SPOCK3: variants seen among roughly 807,000 people sequenced by gnomAD.
The protein encoded by SPOCK3 is testican-3.
Under a neutral mutation model 56.6 loss-of-function variants are expected in SPOCK3, and 30 were observed. The ratio of observed to expected loss-of-function variants is 0.53; its 90% CI spans 0.40 to 0.72. The LOEUF (loss-of-function observed/expected upper bound fraction) is 0.72, where lower values mean the gene tolerates loss of function less well. Ranked by LOEUF, SPOCK3 falls within the 30% of genes least tolerant of loss-of-function variation. SPOCK3 has a pLI of 0.00. For synonymous variants in SPOCK3, 196 were observed against 183.3 expected (o/e 1.07, Z -0.56); for missense variants, 527 against 530.0 (o/e 0.99, Z 0.06).
At chr4:166,769,460 C>A (rs371921087) in intron 7 of SPOCK3, among the ~76,000 whole-genome samples, 2 of 152,252 alleles carry the variant, frequency 1.3e-5, no homozygotes, top group East Asian at 1.9e-4. Flanking sequence ...CACTCCAGAC[C>A]CTGTTTGCCT....
intron 3 of SPOCK3, among the ~76,000 whole-genome samples, chr4:167,055,484 C>A (rs1754701290): frequency 6.6e-6 from 1 of 152,098 alleles, no homozygotes; most frequent in African/African-American, 2.4e-5. Context: ...GTGCGCGAGC[C>A]AAAGCAGGGT....
At position 166,999,875 on chromosome 4, in the gene SPOCK3, G is replaced by T. The variant is rs557457086; in HGVS notation, c.350+474C>A. Among the ~76,000 whole-genome samples, 4 of 152,214 alleles carry T rather than the reference G, an allele frequency of 2.6e-5. 1 individual carries two copies. The South Asian group carries it at 8.3e-4, about 32-fold the overall frequency. On this transcript the variant is annotated intron_variant, in intron 4 of 10. Transcript: ENST00000357545. ...ATAGATACAATGACTCCACTGGTAT[G>T]AGTGACCCCTAAAGAAGGCATCCTG...
Position 166,737,524 on chromosome 4 carries a change from C to T in SPOCK3, c.1075G>A (p.Val359Ile). 6.2e-7 allele frequency: 1 copy of T among 1,613,248 alleles called. No homozygotes were observed. The highest frequency in any genetic ancestry group is 8.5e-7 in the Non-Finnish European group (1 of 1,179,506). The change falls in exon 10 of 11, where the codon GTT (valine) becomes ATT (isoleucine). Residue 359 changes from valine to isoleucine, a missense_variant. Transcript: ENST00000357545. ...ATGACTTCATTTCCATATCTGTCAA[C>T]ACACCAGCACTGTCCAACACTGCCA... Reference protein sequence around the residue: ...CHGSVGQCWCVDRYGNEVMGS... With the variant: ...CHGSVGQCWCIDRYGNEVMGS...
intron 2 of SPOCK3, among the ~76,000 whole-genome samples, chr4:167,072,460 C>T (rs1444153418): frequency 1.3e-5 from 2 of 151,826 alleles, no homozygotes; most frequent in Admixed American, 1.3e-4. Context: ...CTATCTTATA[C>T]CATCCTATAC....
intron 4 of SPOCK3, among the ~76,000 whole-genome samples, chr4:166,974,519 A>C (rs777356817): frequency 6.6e-6 from 1 of 152,096 alleles, no homozygotes; most frequent in Non-Finnish European, 1.5e-5. Flanking sequence ...CCAAATAATA[A>C]TCTATAATAT....
At chr4:166,827,631 C>T (rs1440040290) in intron 6 of SPOCK3, among the ~76,000 whole-genome samples, 2 of 152,026 alleles carry the variant, frequency 1.3e-5, no homozygotes, top group Non-Finnish European at 1.5e-5. Context: ...ACAACTATAA[C>T]AGCATCATTT....
At chr4:166,838,904 G>A (rs1052268569) in intron 6 of SPOCK3, among the ~76,000 whole-genome samples, 1 of 151,080 alleles carries the variant, frequency 6.6e-6, no homozygotes, top group African/African-American at 2.4e-5. Flanking sequence ...GGAGGTTGCA[G>A]TGAGCCGAGA....
At chr4:167,169,076 G>A (rs1730262124) in intron 2 of SPOCK3, among the ~76,000 whole-genome samples, 2 of 152,216 alleles carry the variant, frequency 1.3e-5, no homozygotes, top group African/African-American at 4.8e-5. Context: ...TTCAGAGGAT[G>A]TATGGAAATG....
intron 6 of SPOCK3, among the ~76,000 whole-genome samples, chr4:166,841,520 T>G (rs2126831850): frequency 6.6e-6 from 1 of 152,366 alleles, no homozygotes; most frequent in South Asian, 2.1e-4. Flanking sequence ...TCTTCCAAAT[T>G]TAAACCTATT....
chr4:166,911,624 G>A (rs552262564), intron 5 of SPOCK3, among the ~76,000 whole-genome samples: 2 of 151,966 alleles, frequency 1.3e-5, no homozygotes, highest in Admixed American at 6.6e-5. Context: ...TGCAACCTCC[G>A]TCTCCCTGGT....
At chr4:167,088,310 C>A (rs1758387253) in intron 2 of SPOCK3, among the ~76,000 whole-genome samples, 1 of 152,066 alleles carries the variant, frequency 6.6e-6, no homozygotes, top group Non-Finnish European at 1.5e-5. Context: ...GATGCTGATG[C>A]CATTGTGGTC....
intron 2 of SPOCK3, among the ~76,000 whole-genome samples, chr4:167,137,520 G>A (rs1316788080): frequency 1.3e-5 from 2 of 151,722 alleles, no homozygotes; most frequent in Non-Finnish European, 2.9e-5. Context: ...GACAAAATTT[G>A]ATTTTTCCAT....
At chr4:166,780,784 C>T (rs1579206816) in intron 7 of SPOCK3, among the ~76,000 whole-genome samples, 1 of 152,114 alleles carries the variant, frequency 6.6e-6, no homozygotes, top group Non-Finnish European at 1.5e-5. Flanking sequence ...AAGGAATGCT[C>T]TCACTACCAG....
chr4:167,233,287 G>A (rs1210507358), intron 2 of SPOCK3, among the ~76,000 whole-genome samples: 1 of 152,168 alleles, frequency 6.6e-6, no homozygotes, highest in African/African-American at 2.4e-5. Flanking sequence ...CTCCCCAGGG[G>A]AGTCTATGGT....
chr4:166,974,812 T>C (rs1745767970), intron 4 of SPOCK3, among the ~76,000 whole-genome samples: 1 of 152,210 alleles, frequency 6.6e-6, no homozygotes, highest in Non-Finnish European at 1.5e-5. Flanking sequence ...ATCATTCAGT[T>C]AGAAATCTTT....
intron 2 of SPOCK3, among the ~76,000 whole-genome samples, chr4:167,189,848 G>T (rs779188074): frequency 1.4e-5 from 2 of 145,470 alleles, no homozygotes; most frequent in Non-Finnish European, 3.0e-5. Context: ...AACTTTTTAA[G>T]ATTCTGTATA....
intron 3 of SPOCK3, among the ~76,000 whole-genome samples, chr4:167,025,915 G>A (rs934100010): frequency 1.3e-5 from 2 of 152,018 alleles, no homozygotes; most frequent in Non-Finnish European, 2.9e-5. Flanking sequence ...GGAGCCTATT[G>A]CTCCTAGGCT....
At chr4:167,083,296 G>C in intron 2 of SPOCK3, 1 of 764,884 alleles carries the variant, frequency 1.3e-6, no homozygotes, top group Non-Finnish European at 2.4e-6. Context: ...CCTGTGTCAG[G>C]TTGTCATCTG....
At position 166,898,376 on chromosome 4, in the gene SPOCK3, C is replaced by T. The variant is rs118146859; in HGVS notation, c.475-9132G>A. Among the ~76,000 whole-genome samples the T allele has an allele frequency of 2.0e-4, 30 of 152,146 alleles. 1 individual carries two copies. In the East Asian group the frequency reaches 3.3e-3, roughly 17 times the overall value. On this transcript the variant is annotated intron_variant, in intron 5 of 10. Transcript: ENST00000357545. Reference sequence around the variant, plus strand: ...AGTGAGACAGAAGGCCCAGTACACTCATTCACCTATACTGAAGAACTTTGC... The same window carrying T: ...AGTGAGACAGAAGGCCCAGTACACTTATTCACCTATACTGAAGAACTTTGC...
Sources: gnomAD v4.1 joint callset for allele counts (sites outside exome capture counted in the v4.1 genomes callset) on GRCh38, gnomAD v4.1.1 for gene constraint, MANE v1.5 for transcripts, NCBI Gene and HGNC (gene_info 2026-07-23, HGNC 2026-07-21) for gene names.